FAAH2: variants seen among roughly 807,000 people sequenced by gnomAD.
The protein encoded by FAAH2 is fatty-acid amide hydrolase 2.
Under a neutral mutation model 36.9 loss-of-function variants are expected in FAAH2, and 60 were observed. That is an observed-to-expected ratio of 1.63 (90% CI 1.32 to 2.02). The LOEUF is 2.02. Among genes scored for constraint, FAAH2 ranks in the 30% most tolerant of loss-of-function variants. The probability of loss-of-function intolerance (pLI) is 0.00; values close to 1 mark genes in which losing one functional copy is unlikely to be tolerated. For synonymous variants in FAAH2, 214 were observed against 143.8 expected, an observed-to-expected ratio of 1.49 and a Z score of -3.49; for missense variants, 689 against 397.5, an observed-to-expected ratio of 1.73 and a Z score of -6.23.
intron 8 of FAAH2, among the ~76,000 whole-genome samples, chrX:57,434,842 A>G (rs1233532082): frequency 9.0e-6 from 1 of 111,592 alleles, no homozygotes; most frequent in African/African-American, 3.3e-5. Context: ...ATCTAAAGTC[A>G]ACATAAAAGA....
chrX:57,398,455 T>C (rs1169007901), intron 7 of FAAH2, among the ~76,000 whole-genome samples: 1 of 112,289 alleles, frequency 8.9e-6, no homozygotes, highest in Non-Finnish European at 1.9e-5. Flanking sequence ...TCCAAATTTC[T>C]TACTTTTTCT....
At chrX:57,171,191 G>T in the FAAH2 span, among the ~76,000 whole-genome samples, 1 of 111,508 alleles carries the variant, frequency 9.0e-6, no homozygotes, top group East Asian at 2.8e-4. Flanking sequence ...CCATATCTTT[G>T]CAATTGTGAA....
At chrX:57,396,383 T>C (rs1231852333) in intron 7 of FAAH2, among the ~76,000 whole-genome samples, 1 of 109,175 alleles carries the variant, frequency 9.2e-6, no homozygotes, top group Non-Finnish European at 1.9e-5. Flanking sequence ...GTGTTTTTTT[T>C]TTTTTTTTCT....
chrX:57,394,643 G>A (rs755289021), intron 7 of FAAH2: 16 of 996,295 alleles, frequency 1.6e-5, no homozygotes, highest in Middle Eastern at 3.2e-4. Context: ...AACGGGCCTC[G>A]TCGTATGCCA....
At chrX:57,166,989 A>G in the FAAH2 span, among the ~76,000 whole-genome samples, 1 of 111,661 alleles carries the variant, frequency 9.0e-6, no homozygotes, top group East Asian at 2.8e-4. Context: ...CATGAAGCTT[A>G]TATGACCGAC....
chrX:57,402,254 G>A (rs2055456218), intron 7 of FAAH2, among the ~76,000 whole-genome samples: 1 of 111,961 alleles, frequency 8.9e-6, no homozygotes, highest in African/African-American at 3.2e-5. Flanking sequence ...GACATAAGGG[G>A]CATGGATGAG....
intron 8 of FAAH2, among the ~76,000 whole-genome samples, chrX:57,443,208 TC>T (rs1376594626): frequency 5.4e-5 from 6 of 112,111 alleles, no homozygotes; most frequent in African/African-American, 1.9e-4. Context: ...AAGAGTGTTT[TC>T]CAACTTGATT....
intron 10 of FAAH2, among the ~76,000 whole-genome samples, chrX:57,461,146 A>T (rs1218273301): frequency 3.0e-5 from 1 of 33,699 alleles, no homozygotes; most frequent in African/African-American, 4.4e-5. Context: ...CCAGATTAAT[A>T]AAAAAAAAAA....
At chrX:57,157,387 C>G in the FAAH2 span, among the ~76,000 whole-genome samples, 2 of 111,890 alleles carry the variant, frequency 1.8e-5, no homozygotes, top group Non-Finnish European at 3.8e-5. Context: ...TGGGCCAGGA[C>G]CTGGGTTTCT....
chrX:57,298,975 C>CA (rs2052238065), intron 2 of FAAH2, among the ~76,000 whole-genome samples: 1 of 110,975 alleles, frequency 9.0e-6, no homozygotes, highest in African/African-American at 3.3e-5. Flanking sequence ...GCCTACCAAC[C>CA]AAAAAAAGTC....
rs773299925 is a variant in FAAH2, at chrX:57,486,347, T to TCCCAACCCCAC, written c.1424-2410_1424-2409insCCCAACCCCAC. Among the ~76,000 whole-genome samples, 65 of 111,044 alleles carry TCCCAACCCCAC rather than the reference T, an allele frequency of 5.9e-4. 1 individual carries two copies. Among genetic ancestry groups the TCCCAACCCCAC allele is most frequent in the Non-Finnish European group, 9.6e-4 (51 of 53,040 alleles). On this transcript the variant is annotated intron_variant, in intron 10 of 10. Coordinates refer to ENST00000374900, the MANE Select transcript of FAAH2 (RefSeq NM_174912.4). Reference sequence around the variant, plus strand: ...TGGGATTGTCATACAGTCAGTGGGGTTGGGTGGGGCCAGATGCTCTACAGT... The same window carrying TCCCAACCCCAC: ...TGGGATTGTCATACAGTCAGTGGGGTCCCAACCCCACTGGGTGGGGCCAGATGCTCTACAGT...
chrX:57,427,884 A>G (rs1056225473), intron 7 of FAAH2, among the ~76,000 whole-genome samples: 1 of 111,754 alleles, frequency 8.9e-6, no homozygotes, highest in Non-Finnish European at 1.9e-5. Context: ...TTTCAACGTA[A>G]TACTGGCAAT....
At chrX:57,184,310 T>A in the FAAH2 span, among the ~76,000 whole-genome samples, 1 of 111,539 alleles carries the variant, frequency 9.0e-6, no homozygotes, top group Non-Finnish European at 1.9e-5. Context: ...TTATACCTAC[T>A]CCCTGTTCTT....
At chrX:57,344,428 G>GCTACTGATT (rs1569277164) in intron 5 of FAAH2, among the ~76,000 whole-genome samples, 1 of 111,337 alleles carries the variant, frequency 9.0e-6, no homozygotes, top group Non-Finnish European at 1.9e-5. Context: ...GTGTAGAAAT[G>GCTACTGATT]CTACTGATTT....
At chrX:57,459,897 CACA>C (rs2056928331) in intron 10 of FAAH2, among the ~76,000 whole-genome samples, 1 of 111,856 alleles carries the variant, frequency 8.9e-6, no homozygotes, top group Non-Finnish European at 1.9e-5. Flanking sequence ...GAAAAAACAG[CACA>C]ACAATGCTGA....
the FAAH2 span, among the ~76,000 whole-genome samples, chrX:57,248,351 G>C: frequency 8.9e-6 from 1 of 111,913 alleles, no homozygotes; most frequent in Non-Finnish European, 1.9e-5. Context: ...ACACCTGCTA[G>C]GAGTAAGGTT....
chrX:57,201,843 TC>T, the FAAH2 span, among the ~76,000 whole-genome samples: 2 of 111,707 alleles, frequency 1.8e-5, no homozygotes, highest in East Asian at 5.7e-4. Context: ...CTCTTTTGCC[TC>T]CTCTGGCTTT....
At chrX:57,438,500 A>C (rs1263735141) in intron 8 of FAAH2, among the ~76,000 whole-genome samples, 1 of 110,255 alleles carries the variant, frequency 9.1e-6, no homozygotes, top group Non-Finnish European at 1.9e-5. Context: ...CAAAATTACC[A>C]TACTGCTCTA....
chrX:57,419,451 C>T (rs1178665176), intron 7 of FAAH2, among the ~76,000 whole-genome samples: 1 of 112,145 alleles, frequency 8.9e-6, no homozygotes, highest in African/African-American at 3.2e-5. Context: ...TTTTGATTTG[C>T]ATTTCTCTGA....
Sources: allele counts gnomAD v4.1 joint callset (sites outside exome capture counted in the v4.1 genomes callset), GRCh38; gene constraint gnomAD v4.1.1; transcripts MANE v1.5; gene names NCBI Gene and HGNC (gene_info 2026-07-23, HGNC 2026-07-21).